GPSM1: variants seen among roughly 807,000 people sequenced by gnomAD.
GPSM1 encodes the protein G protein signaling modulator 1, also known as G protein-signaling modulator 1.
GPSM1 carries 48 observed loss-of-function variants against 70.5 expected under a neutral mutation model. That is an observed-to-expected ratio of 0.68 (90% confidence interval 0.54 to 0.87). The LOEUF (loss-of-function observed/expected upper bound fraction) is 0.87. Ranked by LOEUF, GPSM1 falls within the 40% of genes least tolerant of loss-of-function variation. The probability of loss-of-function intolerance (pLI) is 0.00; values close to 1 mark genes in which losing one functional copy is unlikely to be tolerated. For missense variants in GPSM1, 981 were observed against 972.6 expected, an observed-to-expected ratio of 1.01 and a Z score of -0.11; for synonymous variants, 416 against 430.1, an observed-to-expected ratio of 0.97 and a Z score of 0.41.
In GPSM1 at chr9:136,358,485, G is replaced by A. The variant is rs530877794; in HGVS notation, c.*265G>A. ...ACGGGGCCTTCGGCATGTCGGCCCC[G>A]ACCTGGTGCTGTCAGACTCCCGCAT... On this transcript the variant is annotated 3_prime_UTR_variant, in exon 14 of 14. Coordinates refer to ENST00000440944, the MANE Select transcript of GPSM1 (RefSeq NM_001145638.3). 1.2e-4 allele frequency: 65 copies of A among 549,478 alleles called. No individual in the cohort carries two copies. The East Asian group carries it at 1.5e-3, about 13-fold the overall frequency. The allele number at this position is 549,478 out of a possible 1,614,324, so 34.0% of individuals were successfully genotyped here.
At chr9:136,345,891 C>T (rs1050105291) in intron 9 of GPSM1, among the ~76,000 whole-genome samples, 4 of 152,312 alleles carry the variant, frequency 2.6e-5, no homozygotes, top group Middle Eastern at 3.4e-3. Context: ...GAGAACAGGC[C>T]GTCGACCCCA....
At chr9:136,338,769 G>A (rs547143049) in intron 7 of GPSM1, 59 bp downstream of exon 7, 200 of 1,483,912 alleles carry the variant, frequency 1.3e-4, no homozygotes, top group African/African-American at 7.5e-4. Context: ...GAATTACCGC[G>A]GCCCAGGCGA....
Position 136,341,208 on chromosome 9 carries a change from G to A in GPSM1, c.1207+215G>A. 1 of 1,536,610 alleles carries A rather than the reference G, an allele frequency of 6.5e-7. No individual in the cohort carries two copies. The highest frequency in any genetic ancestry group is 8.8e-7 in the Non-Finnish European group (1 of 1,139,598). On this transcript the variant is annotated intron_variant, in intron 9 of 13. Coordinates refer to ENST00000440944, the MANE Select transcript of GPSM1 (RefSeq NM_001145638.3). The surrounding 1 kb of genome is among the most constrained non-coding windows in gnomAD (Gnocchi z 6.7). ...CCCGCATCCTGAGTGGCGCTGCAGG[G>A]CTGCTGGATGAAGGACAGGAGGTGG...
chr9:136,352,817 C>T (rs1554772368), intron 11 of GPSM1, among the ~76,000 whole-genome samples: 1 of 152,252 alleles, frequency 6.6e-6, no homozygotes, highest in Non-Finnish European at 1.5e-5. Context: ...CCCACACAGC[C>T]CTCCAGTGTG....
At chr9:136,356,207 T>C in intron 12 of GPSM1, 135 bp from the exon 13 acceptor site, 1 of 719,294 alleles carries the variant, frequency 1.4e-6, no homozygotes, top group South Asian at 1.9e-5. Flanking sequence ...CAGCGGAGAC[T>C]CCCCCAGGAG....
At chr9:136,330,151 G>A (rs1258153985) in intron 1 of GPSM1, among the ~76,000 whole-genome samples, 2 of 152,108 alleles carry the variant, frequency 1.3e-5, no homozygotes, top group African/African-American at 4.8e-5. Context: ...GGGAAACCCT[G>A]GGTGGTCGTC....
chr9:136,339,664 G>T, intron 7 of GPSM1, 43 bp from the exon 8 acceptor site: 1 of 1,344,696 alleles, frequency 7.4e-7, no homozygotes, highest in Non-Finnish European at 1.0e-6. Context: ...CTGGGGGCTG[G>T]CCTGGAGAGG....
At chr9:136,332,092 G>A (rs1377574823) in intron 1 of GPSM1, 6 of 398,940 alleles carry the variant, frequency 1.5e-5, no homozygotes, top group African/African-American at 4.1e-5. Context: ...GGCGCCCCCC[G>A]CCCCCGCCCG....
chr9:136,349,497 T>C, intron 10 of GPSM1, 90 bp from the exon 11 acceptor site: 8 of 1,185,766 alleles, frequency 6.7e-6, no homozygotes, highest in Non-Finnish European at 9.4e-6. Context: ...ATCCATGAAA[T>C]GGAGGCGGCC....
chr9:136,357,977 G>C (rs561924197), intron 13 of GPSM1, 37 bp from the exon 14 acceptor site: 51 of 1,550,698 alleles, frequency 3.3e-5, no homozygotes, highest in South Asian at 2.1e-4. Flanking sequence ...ACTGGGGCTG[G>C]GGGGGTGAGG....
rs1832575388 is a variant in GPSM1 at position 136,348,387 on chromosome 9, G to A, written c.1208-310G>A. Reference sequence around the variant, plus strand: ...GCAGAGGGAACAGCAGGACTGACGGGGGAGGCCCTGTGTGCGGCAGGGGAG... The same window carrying A: ...GCAGAGGGAACAGCAGGACTGACGGAGGAGGCCCTGTGTGCGGCAGGGGAG... On this transcript the variant is annotated intron_variant, in intron 9 of 13. Coordinates refer to ENST00000440944, the MANE Select transcript of GPSM1 (RefSeq NM_001145638.3). Among the ~76,000 whole-genome samples, 3 of 152,212 alleles carry A rather than the reference G, an allele frequency of 2.0e-5. No individual in the cohort carries two copies. The South Asian group carries it at 6.2e-4, about 32-fold the overall frequency.
chr9:136,347,379 T>G (rs1832548045), intron 9 of GPSM1, among the ~76,000 whole-genome samples: 1 of 150,360 alleles, frequency 6.7e-6, no homozygotes, highest in African/African-American at 2.4e-5. Flanking sequence ...TGTCCACGGG[T>G]GGAGGGACGC....
At chr9:136,344,414 G>T (rs1393613284) in intron 9 of GPSM1, among the ~76,000 whole-genome samples, 1 of 152,232 alleles carries the variant, frequency 6.6e-6, no homozygotes, top group African/African-American at 2.4e-5. Context: ...CCAGGGTTTG[G>T]GTGCTGTGTG....
Position 136,343,450 on chromosome 9 carries a change from C to G in GPSM1, c.1207+2457C>G, listed in dbSNP as rs28624681. Among the ~76,000 whole-genome samples the G allele has an allele frequency of 1.3e-5, 2 of 152,134 alleles. No individual in the cohort carries two copies. Among genetic ancestry groups the G allele is most frequent in the Non-Finnish European group, 2.9e-5 (2 of 68,016 alleles). Reference sequence around the variant, plus strand: ...TGCGACTGCCCTCGGCCCTGCTGACCGTACTTCTCAGCCCTCCACCGTCTG... The same window carrying G: ...TGCGACTGCCCTCGGCCCTGCTGACGGTACTTCTCAGCCCTCCACCGTCTG... On this transcript the variant is annotated intron_variant, in intron 9 of 13. Coordinates refer to ENST00000440944, the MANE Select transcript of GPSM1 (RefSeq NM_001145638.3). This position sits in a 1 kb window ranked among gnomAD's most constrained non-coding sequence, Gnocchi z 6.0.
At chr9:136,348,658 C>T (rs1554771614) in intron 9 of GPSM1, 39 bp from the exon 10 acceptor site, 2 of 1,519,206 alleles carry the variant, frequency 1.3e-6, no homozygotes, top group Admixed American at 1.8e-5. Flanking sequence ...TGCGAGGTGC[C>T]AGGGTGGTGC....
In GPSM1 at chr9:136,339,778, T is replaced by G; in HGVS notation, c.1046T>G (p.Leu349Arg). 6.5e-7 allele frequency: 1 copy of G among 1,549,772 alleles called. No individual in the cohort carries two copies. The highest frequency in any genetic ancestry group is 8.7e-7 in the Non-Finnish European group (1 of 1,146,354). ...YVSMGRPAQA[L>R]TFAKKHLQIS... Reference sequence around the variant, plus strand: ...TCCATGGGGCGCCCAGCGCAGGCCCTGACCTTCGCCAAGAAGCACCTGCAG... The same window carrying G: ...TCCATGGGGCGCCCAGCGCAGGCCCGGACCTTCGCCAAGAAGCACCTGCAG... Residue 349 changes from leucine to arginine, a missense_variant, in exon 8 of 14, where the codon CTG becomes CGG. Physicochemically the swap from Leu to Arg is moderately radical, Grantham distance 102 (BLOSUM62 -2). Coordinates refer to ENST00000440944, the MANE Select transcript of GPSM1 (RefSeq NM_001145638.3).
In GPSM1 at chr9:136,340,969, G is replaced by C; in HGVS notation, c.1183G>C (p.Asp395His). Reference protein sequence around the residue: ...LTSPAASEKPDLAGYEAQGAR... With the variant: ...LTSPAASEKPHLAGYEAQGAR... ...CAGCCCGGCAGCCTCAGAGAAGCCTGACCTGGCCGGCTATGAGGCCCAGGG... is the reference window on the plus strand; with the variant it reads ...CAGCCCGGCAGCCTCAGAGAAGCCTCACCTGGCCGGCTATGAGGCCCAGGG... Residue 395 changes from aspartate to histidine, a missense_variant, in exon 9 of 14, where the codon GAC becomes CAC. Physicochemically the swap from Asp to His is moderately conservative, Grantham distance 81. Transcript: ENST00000440944. This position sits in a 1 kb window ranked among gnomAD's most constrained non-coding sequence, Gnocchi z 7.3. 1 of 1,563,822 alleles carries C rather than the reference G, an allele frequency of 6.4e-7. No individual in the cohort carries two copies. Among genetic ancestry groups the C allele is most frequent in the Non-Finnish European group, 8.7e-7 (1 of 1,154,718 alleles).
In GPSM1 at chr9:136,357,812, G is replaced by A. The variant is rs539392818; in HGVS notation, c.1822-202G>A. 1.8e-3 allele frequency among the ~76,000 whole-genome samples: 281 copies of A among 152,336 alleles called. 6 individuals are homozygous for A. The highest frequency in any genetic ancestry group is 1.0e-3 in the South Asian group (5 of 4,828). On this transcript the variant is annotated intron_variant, in intron 13 of 13. Coordinates refer to ENST00000440944, the MANE Select transcript of GPSM1 (RefSeq NM_001145638.3). ...CCCTGGGCTCCTGCGGGTTGGTGGC[G>A]GGGCCACCAGAAGACTGCGCTCAGG...
chr9:136,344,800 C>A (rs1031992942), intron 9 of GPSM1, among the ~76,000 whole-genome samples: 1 of 152,146 alleles, frequency 6.6e-6, no homozygotes, highest in Non-Finnish European at 1.5e-5. Context: ...CGGAGCAAGG[C>A]GAGGGCCTTG....
Sources: allele counts gnomAD v4.1 joint callset (sites outside exome capture counted in the v4.1 genomes callset), GRCh38; gene constraint gnomAD v4.1.1; non-coding constraint Gnocchi (gnomAD v3.1); transcripts MANE v1.5; gene names NCBI Gene and HGNC (gene_info 2026-07-23, HGNC 2026-07-21).